Variants in EYS observed in about 807,000 individuals in gnomAD.
The protein encoded by EYS is protein eyes shut homolog.
In EYS, 250 loss-of-function variants were observed where a neutral mutation model predicts 282.1. The observed-to-expected ratio is 0.89, with a 90% confidence interval of 0.80 to 0.98. EYS has a LOEUF of 0.98. Ranked by LOEUF, EYS falls within the 50% of genes least tolerant of loss-of-function variation. The pLI, the probability that EYS is intolerant of heterozygous loss-of-function variation, is 0.00. For missense variants in EYS, 4,016 were observed against 3,709.0 expected (o/e 1.08, Z -2.15); for synonymous variants, 1,355 against 1,282.9 (o/e 1.06, Z -1.20).
intron 15 of EYS, among the ~76,000 whole-genome samples, chr6:64,944,957 A>G (rs1175696526): frequency 1.3e-5 from 2 of 151,876 alleles, no homozygotes; most frequent in African/African-American, 4.8e-5. Context: ...TATTGTTCAC[A>G]TATTTGTTGC....
chr6:64,545,404 A>G (rs191861014), intron 26 of EYS, among the ~76,000 whole-genome samples: 1 of 152,328 alleles, frequency 6.6e-6, no homozygotes, highest in Non-Finnish European at 1.5e-5. Context: ...ACAAACCCAC[A>G]GCCAATATCA....
chr6:63,989,948 A>G (rs1444792336), intron 34 of EYS, among the ~76,000 whole-genome samples: 1 of 151,602 alleles, frequency 6.6e-6, no homozygotes, highest in African/African-American at 2.4e-5. Flanking sequence ...TCAATAATTC[A>G]CAGTTAATAT....
At chr6:65,390,782 G>C (rs1170865873) in intron 7 of EYS, among the ~76,000 whole-genome samples, 1 of 151,932 alleles carries the variant, frequency 6.6e-6, no homozygotes, top group Non-Finnish European at 1.5e-5. Context: ...TACTTGGGAG[G>C]CTGAGATGAG....
At chr6:63,847,569 C>A (rs1339264721) in intron 36 of EYS, among the ~76,000 whole-genome samples, 1 of 152,100 alleles carries the variant, frequency 6.6e-6, no homozygotes, top group Non-Finnish European at 1.5e-5. Flanking sequence ...TGGAATTACC[C>A]AGTTAAATTA....
At chr6:64,236,002 C>CG (rs1562265693) in intron 30 of EYS, among the ~76,000 whole-genome samples, 1 of 152,138 alleles carries the variant, frequency 6.6e-6, no homozygotes, top group Non-Finnish European at 1.5e-5. Context: ...ATACCAAAGC[C>CG]GGGCAGAGAC....
intron 26 of EYS, among the ~76,000 whole-genome samples, chr6:64,491,290 C>G (rs1034737557): frequency 6.6e-6 from 1 of 150,764 alleles, no homozygotes; most frequent in African/African-American, 2.4e-5. Flanking sequence ...AACCACAACT[C>G]CTTATTTAAC....
chr6:65,331,433 C>A lies in EYS; in HGVS notation c.1766+3547G>T, dbSNP rs116164772. ...TGACATTATAACAGGTGGTATCACA[C>A]ATATAATTTCTAGATATTGCAACTG... On this transcript the variant is annotated intron_variant, in intron 11 of 42. Transcript: ENST00000503581. The A allele has an allele frequency of 2.5e-3, 1,994 of 782,166 alleles. 28 individuals are homozygous for A. The African/African-American group carries it at 0.035, about 14-fold the overall frequency. 48.5% of individuals were successfully genotyped at this position (782,166 alleles called of 1,614,324 possible).
At chr6:64,604,884 T>C (rs930092564) in intron 24 of EYS, among the ~76,000 whole-genome samples, 5 of 151,984 alleles carry the variant, frequency 3.3e-5, no homozygotes, top group African/African-American at 9.7e-5. Flanking sequence ...CAAATATTGC[T>C]GCAGAAAGTT....
intron 22 of EYS, among the ~76,000 whole-genome samples, chr6:64,730,438 G>A (rs1380918770): frequency 1.3e-5 from 2 of 152,154 alleles, no homozygotes; most frequent in African/African-American, 4.8e-5. Flanking sequence ...GAGATTGCAT[G>A]ACTGAATATC....
At chr6:65,366,794 G>T (rs1349999413) in intron 8 of EYS, among the ~76,000 whole-genome samples, 1 of 151,596 alleles carries the variant, frequency 6.6e-6, no homozygotes, top group South Asian at 2.1e-4. Context: ...CAGGTTCTGA[G>T]GGGGAAATCT....
At chr6:64,003,571 C>T (rs1366330625) in intron 33 of EYS, among the ~76,000 whole-genome samples, 1 of 152,094 alleles carries the variant, frequency 6.6e-6, no homozygotes, top group Non-Finnish European at 1.5e-5. Context: ...TATAGACATC[C>T]ACTATGGACC....
At chr6:64,876,323 GT>G (rs148004780) in intron 19 of EYS, among the ~76,000 whole-genome samples, 91 of 152,102 alleles carry the variant, frequency 6.0e-4, no homozygotes, top group African/African-American at 2.0e-3. Flanking sequence ...TTTTTTAAAT[GT>G]TTTTTATTGG....
intron 26 of EYS, among the ~76,000 whole-genome samples, chr6:64,507,288 C>T (rs533196062): frequency 6.6e-6 from 1 of 151,964 alleles, no homozygotes; most frequent in African/African-American, 2.4e-5. Flanking sequence ...TCTCAGCAAA[C>T]TATTGCAAGG....
At chr6:64,223,711 TTATG>T (rs1209493432) in intron 31 of EYS, among the ~76,000 whole-genome samples, 6 of 152,094 alleles carry the variant, frequency 3.9e-5, no homozygotes, top group Non-Finnish European at 8.8e-5. Flanking sequence ...TATTTATCTT[TTATG>T]TGTCAAATTA....
Position 63,720,631 on chromosome 6 carries a change from C to CATT in EYS, c.9397_9399dup (p.Asn3133dup). ...TCATTTTGTTCATCTCCATCATAAA[C>CATT]ATTGTATCCTTCTAATTTAATTAGT... On this transcript the variant is annotated inframe_insertion, in exon 43 of 43. Coordinates refer to ENST00000503581, the MANE Select transcript of EYS (RefSeq NM_001142800.2). 1.3e-6 allele frequency: 2 copies of CATT among 1,518,296 alleles called. No individual in the cohort carries two copies. Among genetic ancestry groups the CATT allele is most frequent in the Non-Finnish European group, 1.8e-6 (2 of 1,131,356 alleles). The allele number at this position is 1,518,296 out of a possible 1,614,324, so 94.1% of individuals were successfully genotyped here.
intron 33 of EYS, among the ~76,000 whole-genome samples, chr6:64,003,463 C>T (rs749402683): frequency 1.6e-4 from 24 of 152,252 alleles, no homozygotes; most frequent in Middle Eastern, 3.4e-3. Flanking sequence ...TAATTTGTAA[C>T]ACAAAGGATA....
intron 26 of EYS, among the ~76,000 whole-genome samples, chr6:64,463,042 G>A (rs1775802345): frequency 6.7e-6 from 1 of 150,132 alleles, no homozygotes; most frequent in Admixed American, 6.7e-5. Context: ...CGCCTCCCAG[G>A]TTCACGCCAT....
chr6:65,388,138 G>A (rs1361813879), intron 7 of EYS, among the ~76,000 whole-genome samples: 1 of 151,962 alleles, frequency 6.6e-6, no homozygotes, highest in Non-Finnish European at 1.5e-5. Context: ...TCACTGCCTG[G>A]ATTTCAGGAA....
intron 28 of EYS, among the ~76,000 whole-genome samples, chr6:64,392,047 A>G (rs1297352960): frequency 6.6e-6 from 1 of 151,992 alleles, no homozygotes; most frequent in Non-Finnish European, 1.5e-5. Context: ...ACATAATGGT[A>G]AAGGGATCAA....
Sources: gnomAD v4.1 joint callset for allele counts (sites outside exome capture counted in the v4.1 genomes callset) on GRCh38, gnomAD v4.1.1 for gene constraint, MANE v1.5 for transcripts, NCBI Gene and HGNC (gene_info 2026-07-23, HGNC 2026-07-21) for gene names.